Variants in RAB30 observed in about 807,000 individuals in gnomAD.
RAB30 encodes RAB30, member RAS oncogene family.
In RAB30, 9 loss-of-function variants were observed where a neutral mutation model predicts 25.1. The observed-to-expected ratio is 0.36, with a 90% CI of 0.22 to 0.63. The LOEUF (loss-of-function observed/expected upper bound fraction) is 0.63. RAB30 is among the 20% of genes least tolerant of loss of function. RAB30 has a pLI of 0.69. For synonymous variants in RAB30, 77 were observed against 86.4 expected (o/e 0.89, Z 0.60); for missense variants, 140 against 243.5 (o/e 0.58, Z 2.83).
intron 2 of RAB30, among the ~76,000 whole-genome samples, chr11:82,996,235 G>T (rs7943202): frequency 5.3e-5 from 8 of 152,210 alleles, no homozygotes; most frequent in African/African-American, 1.9e-4. Flanking sequence ...TTCGTTTTCC[G>T]CAAAACCACA....
chr11:83,058,158 C>T (rs1035705138), intron 1 of RAB30, among the ~76,000 whole-genome samples: 2 of 152,172 alleles, frequency 1.3e-5, no homozygotes, highest in Non-Finnish European at 2.9e-5. Flanking sequence ...CTTTATCATT[C>T]TCCCTCTGTA....
rs1857244884 is a variant in RAB30, at chr11:83,008,938, C to T, written c.-8-11614G>A. Among the ~76,000 whole-genome samples, 2 of 152,148 alleles carry T rather than the reference C, an allele frequency of 1.3e-5. 1 individual carries two copies. The highest frequency in any genetic ancestry group is 4.8e-5 in the African/African-American group (2 of 41,410). On this transcript the variant is annotated intron_variant, in intron 1 of 4. Transcript: ENST00000527633. Reference sequence around the variant, plus strand: ...CCTTAGGTAGGATGGTGTAACAAGGCTCTTCATAATCTGGCCCAAATTCAC... The same window carrying T: ...CCTTAGGTAGGATGGTGTAACAAGGTTCTTCATAATCTGGCCCAAATTCAC...
chr11:83,030,194 A>AT (rs948210761), intron 1 of RAB30, among the ~76,000 whole-genome samples: 3 of 152,128 alleles, frequency 2.0e-5, no homozygotes, highest in African/African-American at 7.2e-5. Context: ...ATTTAAAAAA[A>AT]TTTTTTTAAT....
At chr11:83,053,122 G>C (rs1858389908) in intron 1 of RAB30, among the ~76,000 whole-genome samples, 1 of 152,130 alleles carries the variant, frequency 6.6e-6, no homozygotes, top group South Asian at 2.1e-4. Flanking sequence ...TCTATGCCCT[G>C]CACCCTGGGT....
chr11:82,982,332 G>C lies in RAB30; in HGVS notation c.445C>G (p.Leu149Val). 6.2e-7 allele frequency: 1 copy of C among 1,614,212 alleles called. No homozygotes were observed. The highest frequency in any genetic ancestry group is 1.1e-5 in the South Asian group (1 of 91,086). Reference protein sequence around the residue: ...EFSEAQDMYYLETSAKESDNV... With the variant: ...EFSEAQDMYYVETSAKESDNV... ...TCAGATTCCTTGGCTGAGGTCTCCA[G>C]ATAATACATGTCCTGAGCTTCTGAG... The change falls in exon 5 of 5, where the codon CTG becomes GTG. Residue 149 changes from leucine to valine, a missense_variant. Coordinates refer to ENST00000527633, the MANE Select transcript of RAB30 (RefSeq NM_001286060.2).
At chr11:83,064,223 T>C (rs916971201) in intron 1 of RAB30, among the ~76,000 whole-genome samples, 1 of 152,176 alleles carries the variant, frequency 6.6e-6, no homozygotes. Flanking sequence ...CCCTTCCCCA[T>C]AGCTGGGACA....
intron 1 of RAB30, among the ~76,000 whole-genome samples, chr11:83,014,393 T>A (rs1457057228): frequency 6.6e-6 from 1 of 151,674 alleles, no homozygotes; most frequent in South Asian, 2.1e-4. Flanking sequence ...ACAAAAAATT[T>A]AAAAATTAGC....
chr11:83,009,873 G>A (rs1857267941), intron 1 of RAB30, among the ~76,000 whole-genome samples: 1 of 152,154 alleles, frequency 6.6e-6, no homozygotes, highest in Admixed American at 6.5e-5. Context: ...GGAAAATTCT[G>A]CTTCTGGGAA....
chr11:83,068,535 C>G (rs1176743920), intron 1 of RAB30, among the ~76,000 whole-genome samples: 5 of 152,080 alleles, frequency 3.3e-5, no homozygotes, highest in African/African-American at 9.7e-5. Flanking sequence ...TTCTCATTAG[C>G]CTTAGGATAA....
chr11:83,059,197 C>A (rs764780959), intron 1 of RAB30, among the ~76,000 whole-genome samples: 1 of 152,228 alleles, frequency 6.6e-6, no homozygotes, highest in Non-Finnish European at 1.5e-5. Context: ...CTGCCTTGAC[C>A]TCCCAAAATG....
chr11:82,985,942 C>T (rs1317695444), intron 4 of RAB30, among the ~76,000 whole-genome samples: 1 of 152,044 alleles, frequency 6.6e-6, no homozygotes, highest in Non-Finnish European at 1.5e-5. Context: ...GCCTCAGCTT[C>T]CCAGAACACT....
At chr11:83,062,382 T>C (rs1378175977) in intron 1 of RAB30, among the ~76,000 whole-genome samples, 1 of 152,200 alleles carries the variant, frequency 6.6e-6, no homozygotes, top group Non-Finnish European at 1.5e-5. Context: ...ACAATTAAAG[T>C]GGTGAACAAG....
At chr11:83,003,263 T>C (rs1056020871) in intron 1 of RAB30, among the ~76,000 whole-genome samples, 3 of 152,206 alleles carry the variant, frequency 2.0e-5, no homozygotes, top group African/African-American at 7.2e-5. Context: ...AATATATAAA[T>C]GGTTTTTCCC....
intron 3 of RAB30, among the ~76,000 whole-genome samples, chr11:82,992,566 A>C (rs1449562600): frequency 6.6e-6 from 1 of 152,084 alleles, no homozygotes; most frequent in African/African-American, 2.4e-5. Context: ...CGTATGGGAG[A>C]AGGATGCAAA....
rs1033465367 is a variant in RAB30, at chr11:82,994,209, C to T, written c.94-87G>A. On this transcript the variant is annotated intron_variant, in intron 2 of 4. Coordinates refer to ENST00000527633, the MANE Select transcript of RAB30 (RefSeq NM_001286060.2). ...CCTCTCCCCCAGCAACACCCATCAC[C>T]GGAGTCCTTCCTTCAGCTGAGGTGA... The T allele has an allele frequency of 3.2e-5, 36 of 1,138,874 alleles. No individual in the cohort carries two copies. In the Admixed American group the frequency reaches 3.8e-4, roughly 12 times the overall value. The allele number at this position is 1,138,874 out of a possible 1,614,324, so 70.5% of individuals were successfully genotyped here.
intron 1 of RAB30, among the ~76,000 whole-genome samples, chr11:83,014,686 G>GAAAGAA (rs1249850424): frequency 3.0e-5 from 4 of 134,600 alleles, no homozygotes; most frequent in African/African-American, 1.2e-4. Context: ...AAGAAAGAAA[G>GAAAGAA]AAAGAAAGAG....
chr11:83,023,360 G>A (rs1037631623), intron 1 of RAB30, among the ~76,000 whole-genome samples: 1 of 152,172 alleles, frequency 6.6e-6, no homozygotes. Context: ...TAAGGTCAGC[G>A]CTCAGATAAG....
At chr11:82,997,113 A>G in intron 2 of RAB30, 111 bp downstream of exon 2, 1 of 863,148 alleles carries the variant, frequency 1.2e-6, no homozygotes, top group East Asian at 2.6e-5. Context: ...ACTCACAGCT[A>G]AGACCCTGGC....
rs111888345 is a variant in RAB30 at position 83,020,465 on chromosome 11, G to A, written c.-8-23141C>T. Among the ~76,000 whole-genome samples the A allele has an allele frequency of 3.0e-3, 460 of 152,330 alleles. 1 individual carries two copies. Among genetic ancestry groups the A allele is most frequent in the African/African-American group, 0.011 (444 of 41,576 alleles). On this transcript the variant is annotated intron_variant, in intron 1 of 4. Coordinates refer to ENST00000527633, the MANE Select transcript of RAB30 (RefSeq NM_001286060.2). Reference sequence around the variant, plus strand: ...AGGTGGGGGCTGAGGGCGGCTCTGCGCTGGCCTGCACTTGCCCATTGGCAC... The same window carrying A: ...AGGTGGGGGCTGAGGGCGGCTCTGCACTGGCCTGCACTTGCCCATTGGCAC...
Sources: gnomAD v4.1 joint callset for allele counts (sites outside exome capture counted in the v4.1 genomes callset) on GRCh38, gnomAD v4.1.1 for gene constraint, MANE v1.5 for transcripts, NCBI Gene and HGNC (gene_info 2026-07-23, HGNC 2026-07-21) for gene names.